SMC3: variants seen among roughly 807,000 people sequenced by gnomAD.
SMC3 encodes the protein structural maintenance of chromosomes 3.
A neutral mutation model predicts 171.8 loss-of-function variants in SMC3; 20 were observed. The observed-to-expected ratio is 0.12, with a 90% CI of 0.08 to 0.17. The LOEUF is 0.17. Among genes scored for constraint, SMC3 ranks in the 10% least tolerant of loss-of-function variants. SMC3 has a pLI of 1.00. For missense variants in SMC3, 543 were observed against 1,420.4 expected (o/e 0.38, Z 9.93); for synonymous variants, 464 against 451.1 (o/e 1.03, Z -0.36).
intron 20 of SMC3, 62 bp from the exon 21 acceptor site, chr10:110,599,592 A>G: frequency 3.4e-6 from 5 of 1,475,198 alleles, no homozygotes; most frequent in Non-Finnish European, 4.6e-6. Flanking sequence ...ATTGTTTTAA[A>G]ATTTTCACTA....
chr10:110,596,101 A>T (rs1422270213), intron 18 of SMC3, among the ~76,000 whole-genome samples: 1 of 151,414 alleles, frequency 6.6e-6, no homozygotes, highest in East Asian at 1.9e-4. Context: ...GCACACCTGT[A>T]GTCCTAGCCA....
intron 17 of SMC3, among the ~76,000 whole-genome samples, chr10:110,591,488 ATTAAGG>A (rs1335445804): frequency 1.3e-5 from 2 of 152,234 alleles, no homozygotes; most frequent in Non-Finnish European, 2.9e-5. Context: ...GAGTGACATA[ATTAAGG>A]TTAGGGAGTT....
chr10:110,593,298 G>A (rs939681075), intron 18 of SMC3, 75 bp downstream of exon 18: 19 of 1,463,474 alleles, frequency 1.3e-5, no homozygotes, highest in African/African-American at 4.2e-5. Flanking sequence ...CTGGCTGGGC[G>A]CAGTGGCTCA....
intron 6 of SMC3, 125 bp from the exon 7 acceptor site, chr10:110,578,500 GGAT>G (rs1319679793): frequency 3.8e-5 from 26 of 692,734 alleles, no homozygotes; most frequent in Admixed American, 7.0e-5. Flanking sequence ...AAAGTTCTGA[GGAT>G]GATACAGATG....
chr10:110,603,262 A>G lies in SMC3; in HGVS notation c.3554A>G (p.Lys1185Arg), dbSNP rs1425294108. 3.1e-6 allele frequency: 5 copies of G among 1,602,544 alleles called. No individual in the cohort carries two copies. The highest frequency in any genetic ancestry group is 1.3e-5 in the African/African-American group (1 of 74,674). The change falls in exon 28 of 29, where the codon AAA (lysine) becomes AGA (arginine). Residue 1185 changes from lysine (K) to arginine (R), a missense_variant. By Grantham distance (26) the Lys-to-Arg change is conservative (BLOSUM62 2). Transcript: ENST00000361804. The stretch of plus-strand genomic sequence containing the variant: ...CCTGAACTGCTTGAGTCAGCTGACA[A>G]ATTCTATGGTGTAAAGTTCAGAAAT... The part of the protein sequence containing the change: ...FRPELLESAD[K>R]FYGVKFRNKV...
At chr10:110,591,410 T>C (rs1428668747) in intron 17 of SMC3, among the ~76,000 whole-genome samples, 1 of 152,064 alleles carries the variant, frequency 6.6e-6, no homozygotes, top group Non-Finnish European at 1.5e-5. Flanking sequence ...AGCTAAGATA[T>C]GAAACAAATC....
In SMC3 at chr10:110,605,958, A is replaced by G. The variant is rs1029173653; in HGVS notation, c.*1656A>G. Among the ~76,000 whole-genome samples the G allele has an allele frequency of 1.3e-5, 2 of 152,204 alleles. No individual in the cohort carries two copies. Among genetic ancestry groups the G allele is most frequent in the Non-Finnish European group, 2.9e-5 (2 of 68,020 alleles). ...ACATAACATCATTCTAGAACTTCTT[A>G]ATATTGTTCTTAAGCATTTCCCCAA... On this transcript the variant is annotated 3_prime_UTR_variant, in exon 29 of 29. Coordinates refer to ENST00000361804, the MANE Select transcript of SMC3 (RefSeq NM_005445.4).
intron 18 of SMC3, among the ~76,000 whole-genome samples, chr10:110,595,735 G>A (rs1156528668): frequency 7.2e-5 from 6 of 83,504 alleles, no homozygotes; most frequent in Non-Finnish European, 1.6e-4. Flanking sequence ...GTATCACTGT[G>A]ATTCATGAAT....
intron 13 of SMC3, among the ~76,000 whole-genome samples, chr10:110,588,312 T>C (rs961859304): frequency 6.6e-6 from 1 of 152,274 alleles, no homozygotes; most frequent in East Asian, 1.9e-4. Context: ...TGTGACTCAG[T>C]AGTAACATTG....
At chr10:110,604,109 A>G (rs868208862) in intron 28 of SMC3, 122 bp from the exon 29 acceptor site, 1 of 530,850 alleles carries the variant, frequency 1.9e-6, no homozygotes, top group Non-Finnish European at 3.4e-6. Flanking sequence ...AAAAAAAAAA[A>G]AAAAAAAACT....
At chr10:110,596,988 C>T (rs571319789) in intron 19 of SMC3, among the ~76,000 whole-genome samples, 1 of 151,746 alleles carries the variant, frequency 6.6e-6, no homozygotes, top group Admixed American at 6.6e-5. Context: ...TAAGGACTGG[C>T]ATTTTATTGT....
chr10:110,600,887 T>A (rs1351710546), intron 22 of SMC3, 135 bp from the exon 23 acceptor site: 1 of 670,598 alleles, frequency 1.5e-6, no homozygotes. Flanking sequence ...CTTTAATGGA[T>A]ACTTCTAAGT....
At chr10:110,595,939 T>TTTA (rs397951768) in intron 18 of SMC3, among the ~76,000 whole-genome samples, 21 of 140,682 alleles carry the variant, frequency 1.5e-4, no homozygotes, top group African/African-American at 4.4e-4. Context: ...TTTTTTTTTT[T>TTTA]AAAGACTGCA....
intron 4 of SMC3, among the ~76,000 whole-genome samples, chr10:110,576,373 G>T (rs1210651949): frequency 6.6e-6 from 1 of 152,136 alleles, no homozygotes; most frequent in African/African-American, 2.4e-5. Flanking sequence ...CTTTTGTAAT[G>T]CATAAGCACG....
At chr10:110,582,211 A>G (rs1398888330) in intron 9 of SMC3, 113 bp downstream of exon 9, 2 of 993,964 alleles carry the variant, frequency 2.0e-6, no homozygotes, top group African/African-American at 3.3e-5. Context: ...CTTAAAAAAA[A>G]CCTCTCAATG....
chr10:110,572,581 C>A (rs553651810), intron 2 of SMC3, among the ~76,000 whole-genome samples: 2 of 152,262 alleles, frequency 1.3e-5, no homozygotes, highest in East Asian at 3.9e-4. Context: ...GATGATATTA[C>A]TTTTGATCAC....
chr10:110,589,745 TA>T (rs1861178361), intron 14 of SMC3, 37 bp downstream of exon 14: 1 of 1,438,512 alleles, frequency 7.0e-7, no homozygotes, highest in South Asian at 1.2e-5. Flanking sequence ...ATGTTTTCAG[TA>T]ATGTTCGTTA....
chr10:110,567,739 T>C lies in SMC3; in HGVS notation c.-78T>C. On this transcript the variant is annotated 5_prime_UTR_variant, in exon 1 of 29. Transcript: ENST00000361804. Reference sequence around the variant, plus strand: ...GCGGCGCTTTGGGGGAGGGGTCGCGTAGGCGCCTCACCTGACCCTGCGGCC... The same window carrying C: ...GCGGCGCTTTGGGGGAGGGGTCGCGCAGGCGCCTCACCTGACCCTGCGGCC... The C allele has an allele frequency of 6.4e-7, 1 of 1,566,284 alleles. No homozygotes were observed. Among genetic ancestry groups the C allele is most frequent in the Non-Finnish European group, 8.8e-7 (1 of 1,139,600 alleles).
At position 110,602,607 on chromosome 10, in the gene SMC3, G is replaced by A; in HGVS notation, c.3239G>A (p.Gly1080Asp). 1 of 1,613,942 alleles carries A rather than the reference G, an allele frequency of 6.2e-7. No individual in the cohort carries two copies. The highest frequency in any genetic ancestry group is 8.5e-7 in the Non-Finnish European group (1 of 1,179,888). ...GAAGGGAGTGGTGAGAGTGAGAGGGGTTCTGGCTCACAAAGCAGTGTCCCA... is the reference window on the plus strand; with the variant it reads ...GAAGGGAGTGGTGAGAGTGAGAGGGATTCTGGCTCACAAAGCAGTGTCCCA... Reference protein sequence around the residue: ...EGEGSGESERGSGSQSSVPSV... With the variant: ...EGEGSGESERDSGSQSSVPSV... Residue 1080 changes from glycine to aspartate, a missense_variant, in exon 26 of 29, where the codon GGT becomes GAT. Coordinates refer to ENST00000361804, the MANE Select transcript of SMC3 (RefSeq NM_005445.4).
Sources: gnomAD v4.1 joint callset for allele counts (sites outside exome capture counted in the v4.1 genomes callset) on GRCh38, gnomAD v4.1.1 for gene constraint, MANE v1.5 for transcripts, NCBI Gene and HGNC (gene_info 2026-07-23, HGNC 2026-07-21) for gene names.